The following ERGIC1 variants were observed in gnomAD, a reference collection of about 807,000 sequenced individuals.
ERGIC1 encodes the protein endoplasmic reticulum-Golgi intermediate compartment protein 1.
ERGIC1 carries 19 observed loss-of-function variants against 38.3 expected under a neutral mutation model. The ratio of observed to expected loss-of-function variants is 0.50; its 90% CI spans 0.35 to 0.73. ERGIC1 has a LOEUF of 0.73. ERGIC1 is among the 30% of genes least tolerant of loss of function. The probability of loss-of-function intolerance (pLI) is 0.01; values close to 1 mark genes in which losing one functional copy is unlikely to be tolerated. For synonymous variants in ERGIC1, 124 were observed against 157.6 expected (o/e 0.79, Z 1.60); for missense variants, 294 against 389.2 (o/e 0.76, Z 2.06).
intron 1 of ERGIC1, among the ~76,000 whole-genome samples, chr5:172,861,284 C>T (rs1038199121): frequency 1.3e-5 from 2 of 152,080 alleles, no homozygotes; most frequent in African/African-American, 4.8e-5. Flanking sequence ...TCCCTCGGGT[C>T]TCTGCCCTGA....
At chr5:172,942,243 CT>C (rs1764026822) in intron 9 of ERGIC1, among the ~76,000 whole-genome samples, 1 of 152,110 alleles carries the variant, frequency 6.6e-6, no homozygotes, top group Admixed American at 6.5e-5. Flanking sequence ...AAGAGACAAA[CT>C]TCAAACTGAG....
chr5:172,938,093 C>T (rs558902540), intron 9 of ERGIC1: 1 of 152,266 alleles, frequency 6.6e-6, no homozygotes, highest in East Asian at 1.9e-4. Context: ...TGTGCAGGGA[C>T]ATGGGTACAG....
chr5:172,867,597 C>A (rs1239803863), intron 1 of ERGIC1: 1 of 398,850 alleles, frequency 2.5e-6, no homozygotes, highest in East Asian at 8.0e-5. Flanking sequence ...GCCCCCTGTC[C>A]TCTGGGTCCT....
At chr5:172,908,328 A>AGGAG (rs1561729710) in intron 3 of ERGIC1, among the ~76,000 whole-genome samples, 3 of 236 alleles carry the variant, frequency 0.013, no homozygotes, top group Admixed American at 0.056. Context: ...GAGAGAGGGG[A>AGGAG]GGGGGGGAGG....
At chr5:172,908,310 G>GGT in intron 3 of ERGIC1, among the ~76,000 whole-genome samples, 1 of 28,684 alleles carries the variant, frequency 3.5e-5, no homozygotes, top group African/African-American at 1.3e-4. Context: ...CGGGGGCGGG[G>GGT]GGGGGGGGAG....
At chr5:172,922,658 A>AGCAGCAGAGGAC (rs1172261658) in intron 5 of ERGIC1, among the ~76,000 whole-genome samples, 1 of 152,218 alleles carries the variant, frequency 6.6e-6, no homozygotes, top group East Asian at 1.9e-4. Flanking sequence ...CCAGACAGGA[A>AGCAGCAGAGGAC]GCAGCAGAGG....
rs116415844 is a variant in ERGIC1, at chr5:172,915,947, C to T, written c.375+1109C>T. 5.3e-3 allele frequency: 1,236 copies of T among 231,152 alleles called. 4 individuals carry two copies. The highest frequency in any genetic ancestry group is 8.2e-3 in the Non-Finnish European group (929 of 113,050). The allele number at this position is 231,152 out of a possible 1,614,324, so 14.3% of individuals were successfully genotyped here. On this transcript the variant is annotated intron_variant, in intron 5 of 9. Coordinates refer to ENST00000393784, the MANE Select transcript of ERGIC1 (RefSeq NM_001031711.3). Reference sequence around the variant, plus strand: ...TGTCCAGTATAGCATTTAACTGCATCAGAACCAGTATGAAAAGACCAGGAA... The same window carrying T: ...TGTCCAGTATAGCATTTAACTGCATTAGAACCAGTATGAAAAGACCAGGAA...
intron 1 of ERGIC1, among the ~76,000 whole-genome samples, chr5:172,884,254 T>G (rs1016481401): frequency 2.5e-5 from 3 of 120,374 alleles, no homozygotes; most frequent in East Asian, 4.9e-4. Context: ...GTTTTTTTTT[T>G]TTTTTTTTTT....
chr5:172,858,885 G>A (rs1761625625), intron 1 of ERGIC1, among the ~76,000 whole-genome samples: 1 of 152,216 alleles, frequency 6.6e-6, no homozygotes. Context: ...TAACACGGGG[G>A]AGATTACTGT....
At chr5:172,892,062 G>GTTTTTTTTT (rs573472747) in intron 2 of ERGIC1, among the ~76,000 whole-genome samples, 1 of 90,228 alleles carries the variant, frequency 1.1e-5, no homozygotes, top group African/African-American at 4.1e-5. Flanking sequence ...TAAAGAGTAT[G>GTTTTTTTTT]TTTTTTTTTT....
At chr5:172,897,728 G>T (rs1484306989) in intron 3 of ERGIC1, 1 of 412,878 alleles carries the variant, frequency 2.4e-6, no homozygotes, top group African/African-American at 2.1e-5. Flanking sequence ...TTTGATGTGA[G>T]AGCCGAAGAG....
At chr5:172,925,558 C>T (rs969744775) in intron 6 of ERGIC1, among the ~76,000 whole-genome samples, 1 of 152,196 alleles carries the variant, frequency 6.6e-6, no homozygotes, top group Admixed American at 6.5e-5. Context: ...CCCACTGCTC[C>T]TGGAGTGGCC....
chr5:172,883,914 G>C (rs759791770), intron 1 of ERGIC1, among the ~76,000 whole-genome samples: 8 of 152,148 alleles, frequency 5.3e-5, no homozygotes, highest in Non-Finnish European at 1.2e-4. Context: ...GCCTTGGGAG[G>C]TTGAGGCTGC....
At chr5:172,896,060 C>T (rs981444525) in intron 2 of ERGIC1, among the ~76,000 whole-genome samples, 15 of 152,104 alleles carry the variant, frequency 9.9e-5, no homozygotes, top group Admixed American at 6.6e-4. Flanking sequence ...CATATTGGAC[C>T]GGCCGGGTGT....
chr5:172,858,082 C>A (rs710112), intron 1 of ERGIC1, among the ~76,000 whole-genome samples: 206 of 152,292 alleles, frequency 1.4e-3, no homozygotes, highest in African/African-American at 4.5e-3. Context: ...GGCTGTGAGG[C>A]CTGCGTCTTC....
At chr5:172,932,324 G>C (rs535019339) in intron 7 of ERGIC1, 112 bp from the exon 8 acceptor site, 24 of 1,029,092 alleles carry the variant, frequency 2.3e-5, no homozygotes, top group Non-Finnish European at 3.4e-5. Flanking sequence ...TAAAACTGGG[G>C]AATGAGCCCC....
chr5:172,900,865 G>C (rs1257405908), intron 3 of ERGIC1, among the ~76,000 whole-genome samples: 2 of 152,230 alleles, frequency 1.3e-5, no homozygotes, highest in African/African-American at 4.8e-5. Flanking sequence ...CTATGAAGAT[G>C]CAGTGACCCT....
rs149604575 is a variant in ERGIC1, at chr5:172,943,201, T to C, written c.766-7508T>C. On this transcript the variant is annotated intron_variant, in intron 9 of 9. Transcript: ENST00000393784. ...GTGCCATCTCAGACCCAGCACATAA[T>C]AGGTGCTCAACCAAAGTGAGGTTCT... Among the ~76,000 whole-genome samples, 576 of 152,250 alleles carry C rather than the reference T, an allele frequency of 3.8e-3. 6 individuals are homozygous for C. The highest frequency in any genetic ancestry group is 0.013 in the African/African-American group (547 of 41,540).
chr5:172,858,458 C>T (rs756106302), intron 1 of ERGIC1, among the ~76,000 whole-genome samples: 4 of 152,178 alleles, frequency 2.6e-5, no homozygotes, highest in African/African-American at 4.8e-5. Flanking sequence ...CGGTGGTCTG[C>T]GCATCTGCAC....
Sources: allele counts gnomAD v4.1 joint callset (sites outside exome capture counted in the v4.1 genomes callset), GRCh38; gene constraint gnomAD v4.1.1; transcripts MANE v1.5; gene names NCBI Gene and HGNC (gene_info 2026-07-23, HGNC 2026-07-21).